Variants in PLCL1 observed in about 807,000 individuals in gnomAD.
The protein encoded by PLCL1 is phospholipase C like 1 (inactive), also known as inactive phospholipase C-like protein 1.
In PLCL1, 41 loss-of-function variants were observed where a neutral mutation model predicts 84.4. That is an observed-to-expected ratio of 0.49 (90% CI 0.38 to 0.63). PLCL1 has a LOEUF of 0.63. PLCL1 is among the 30% of genes least tolerant of loss of function. PLCL1 has a pLI of 0.00. For synonymous variants in PLCL1, 490 were observed against 488.3 expected, an observed-to-expected ratio of 1.00 and a Z score of -0.05; for missense variants, 1,206 against 1,367.8, an observed-to-expected ratio of 0.88 and a Z score of 1.87.
At chr2:197,959,990 CAA>C (rs1276812218) in intron 1 of PLCL1, among the ~76,000 whole-genome samples, 1 of 152,020 alleles carries the variant, frequency 6.6e-6, no homozygotes, top group Admixed American at 6.6e-5. Context: ...TTATAAATGA[CAA>C]AGAGAGAACT....
chr2:197,990,257 A>T (rs1390103983), intron 1 of PLCL1, among the ~76,000 whole-genome samples: 1 of 152,230 alleles, frequency 6.6e-6, no homozygotes. Flanking sequence ...AGTTTCTGTT[A>T]TTATTCCTAG....
At chr2:197,830,628 C>T (rs1229438983) in intron 1 of PLCL1, among the ~76,000 whole-genome samples, 1 of 152,094 alleles carries the variant, frequency 6.6e-6, no homozygotes, top group East Asian at 1.9e-4. Context: ...ACTTCCCCAA[C>T]CTAGCAAGAC....
chr2:197,863,920 T>C lies in PLCL1; in HGVS notation c.240+58581T>C, dbSNP rs955151238. Among the ~76,000 whole-genome samples the C allele has an allele frequency of 3.3e-5, 5 of 152,310 alleles. No individual in the cohort carries two copies. In the East Asian group the frequency reaches 9.6e-4, roughly 29 times the overall value. ...CATGTGACTTCTTTGGTATGGCCTA[T>C]TTTTCCTTTAAGAATTAATAACATC... On this transcript the variant is annotated intron_variant, in intron 1 of 5. Transcript: ENST00000428675.
At chr2:197,979,822 A>G (rs940249627) in intron 1 of PLCL1, among the ~76,000 whole-genome samples, 5 of 152,288 alleles carry the variant, frequency 3.3e-5, no homozygotes, top group Middle Eastern at 3.4e-3. Flanking sequence ...TTATTTAATA[A>G]AAACTCAAGT....
intron 1 of PLCL1, among the ~76,000 whole-genome samples, chr2:197,864,983 G>T (rs1403622453): frequency 6.6e-6 from 1 of 152,096 alleles, no homozygotes; most frequent in African/African-American, 2.4e-5. Flanking sequence ...TTTATTTAAA[G>T]TTAGTTGCTT....
chr2:197,883,351 A>C (rs1328131899), intron 1 of PLCL1, among the ~76,000 whole-genome samples: 1 of 152,200 alleles, frequency 6.6e-6, no homozygotes, highest in Non-Finnish European at 1.5e-5. Context: ...GACCTGGTAG[A>C]CTGAGGAAGA....
At chr2:197,809,331 G>T (rs1254176252) in intron 1 of PLCL1, among the ~76,000 whole-genome samples, 2 of 152,208 alleles carry the variant, frequency 1.3e-5, no homozygotes, top group Non-Finnish European at 1.5e-5. Context: ...TTCAGAGTTT[G>T]TGCTCTTGGG....
In PLCL1 at chr2:197,814,631, G is replaced by A. The variant is rs182332102; in HGVS notation, c.240+9292G>A. Among the ~76,000 whole-genome samples, 1,071 of 152,278 alleles carry A rather than the reference G, an allele frequency of 7.0e-3. 6 individuals carry two copies. The highest frequency in any genetic ancestry group is 0.019 in the South Asian group (92 of 4,828). On this transcript the variant is annotated intron_variant, in intron 1 of 5. Transcript: ENST00000428675. ...GCTAGAAATGATTAAGCTTAGTAAG[G>A]AAGGCATGTCTAAAGCTGAGATAGG...
chr2:198,033,648 A>G (rs774013866), intron 1 of PLCL1, among the ~76,000 whole-genome samples: 8 of 152,164 alleles, frequency 5.3e-5, no homozygotes, highest in Non-Finnish European at 1.0e-4. Context: ...GTAACCCTTT[A>G]TCCAACCTCA....
intron 5 of PLCL1, among the ~76,000 whole-genome samples, chr2:198,133,558 TAA>T (rs149723711): frequency 5.8e-4 from 75 of 130,304 alleles, no homozygotes; most frequent in Non-Finnish European, 6.0e-4. Flanking sequence ...AAAAGAAATC[TAA>T]AAAAAAAAAA....
At chr2:197,863,966 C>T (rs1464683085) in intron 1 of PLCL1, among the ~76,000 whole-genome samples, 1 of 152,162 alleles carries the variant, frequency 6.6e-6, no homozygotes, top group Non-Finnish European at 1.5e-5. Context: ...ATAGACATGA[C>T]AGCATTTGGA....
chr2:197,864,484 T>A (rs1332628887), intron 1 of PLCL1, among the ~76,000 whole-genome samples: 1 of 88,876 alleles, frequency 1.1e-5, no homozygotes, highest in Non-Finnish European at 2.4e-5. Flanking sequence ...AATAGCATTC[T>A]TTTTTTTTTT....
At chr2:198,086,336 T>A in intron 2 of PLCL1, 104 bp downstream of exon 2, 1 of 817,792 alleles carries the variant, frequency 1.2e-6, no homozygotes, top group Non-Finnish European at 1.9e-6. Context: ...AAAGATTGTT[T>A]AAGTCTGGGT....
At chr2:198,073,137 T>C (rs1692501871) in intron 1 of PLCL1, among the ~76,000 whole-genome samples, 1 of 152,204 alleles carries the variant, frequency 6.6e-6, no homozygotes, top group South Asian at 2.1e-4. Context: ...GGAATTTAAT[T>C]AGTTCAGTAA....
intron 5 of PLCL1, 31 bp downstream of exon 5, chr2:198,103,967 C>T (rs1693409144): frequency 9.4e-7 from 1 of 1,061,268 alleles, no homozygotes; most frequent in Admixed American, 2.2e-5. Flanking sequence ...TCCCCTGTGC[C>T]TTTACTTTTC....
intron 1 of PLCL1, among the ~76,000 whole-genome samples, chr2:197,972,566 A>G (rs1045592592): frequency 1.3e-5 from 2 of 152,198 alleles, no homozygotes; most frequent in East Asian, 3.8e-4. Context: ...CCATCTTTAA[A>G]AATGTACAAA....
chr2:198,032,409 G>T (rs574021911), intron 1 of PLCL1, among the ~76,000 whole-genome samples: 1 of 152,276 alleles, frequency 6.6e-6, no homozygotes, highest in African/African-American at 2.4e-5. Flanking sequence ...ACAAGAGATT[G>T]CCTCAGAAAG....
chr2:198,085,703 G>T lies in PLCL1; in HGVS notation c.2186G>T (p.Ser729Ile). 1.2e-6 allele frequency: 2 copies of T among 1,614,154 alleles called. No individual in the cohort carries two copies. The highest frequency in any genetic ancestry group is 1.7e-6 in the Non-Finnish European group (2 of 1,180,008). ...CTAGCTCTTCATATCAAGATCATCA[G>T]TGGTCAGAATTTCCCAAAGCCCAAG... ...SPLALHIKIISGQNFPKPKGA... is the reference protein window; with the variant it reads ...SPLALHIKIIIGQNFPKPKGA... Residue 729 changes from serine to isoleucine, a missense_variant, in exon 2 of 6, where the codon AGT (serine) becomes ATT (isoleucine). Transcript: ENST00000428675. This position sits in a 1 kb window ranked among gnomAD's most constrained non-coding sequence, Gnocchi z 5.3.
At chr2:197,985,372 A>G (rs1290299547) in intron 1 of PLCL1, among the ~76,000 whole-genome samples, 1 of 152,172 alleles carries the variant, frequency 6.6e-6, no homozygotes. Flanking sequence ...AAAGGATGGC[A>G]GTAGGCTGAA....
Sources: allele counts gnomAD v4.1 joint callset (sites outside exome capture counted in the v4.1 genomes callset), GRCh38; gene constraint gnomAD v4.1.1; non-coding constraint Gnocchi (gnomAD v3.1); transcripts MANE v1.5; gene names NCBI Gene and HGNC (gene_info 2026-07-23, HGNC 2026-07-21).